FAF1: variants seen among roughly 807,000 people sequenced by gnomAD.
The protein encoded by FAF1 is Fas associated factor 1, also known as FAS-associated factor 1.
In FAF1, 25 loss-of-function variants were observed where a neutral mutation model predicts 92.5. That is an observed-to-expected ratio of 0.27 (90% CI 0.20 to 0.38). The LOEUF (loss-of-function observed/expected upper bound fraction) is 0.38, where lower values mean the gene tolerates loss of function less well. Among genes scored for constraint, FAF1 ranks in the 10% least tolerant of loss-of-function variants. The pLI, the probability that FAF1 is intolerant of heterozygous loss-of-function variation, is 1.00. For synonymous variants in FAF1, 234 were observed against 273.2 expected (o/e 0.86, Z 1.42); for missense variants, 636 against 793.3 (o/e 0.80, Z 2.38).
chr1:50,526,772 TGTTGCA>T (rs1053572082), intron 15 of FAF1, among the ~76,000 whole-genome samples: 45 of 152,148 alleles, frequency 3.0e-4, no homozygotes, highest in Admixed American at 5.2e-4. Context: ...TTTCCAAAGC[TGTTGCA>T]CCATTTTACA....
intron 2 of FAF1, among the ~76,000 whole-genome samples, chr1:50,839,595 G>A (rs1396677353): frequency 1.3e-5 from 2 of 152,120 alleles, no homozygotes; most frequent in Admixed American, 1.3e-4. Context: ...AAGCAAGAGT[G>A]AGGTGTTCTA....
intron 8 of FAF1, among the ~76,000 whole-genome samples, chr1:50,601,203 T>C (rs1186856473): frequency 3.9e-5 from 6 of 152,226 alleles, no homozygotes; most frequent in Non-Finnish European, 7.3e-5. Context: ...TTATTCTTTA[T>C]GTTATTCTTC....
chr1:50,829,569 T>C (rs1644134123), intron 2 of FAF1, among the ~76,000 whole-genome samples: 1 of 152,126 alleles, frequency 6.6e-6, no homozygotes, highest in African/African-American at 2.4e-5. Flanking sequence ...TGTGCCAAAG[T>C]AGGAAGCTGA....
chr1:50,456,932 G>A (rs1289642752), intron 18 of FAF1, among the ~76,000 whole-genome samples: 1 of 152,142 alleles, frequency 6.6e-6, no homozygotes, highest in African/African-American at 2.4e-5. Flanking sequence ...TTTAAAAAAT[G>A]TATATCTTAC....
At position 50,574,898 on chromosome 1, in the gene FAF1, C is replaced by CTT. The variant is rs891527014; in HGVS notation, c.1114-7669_1114-7668dup. Reference sequence around the variant, plus strand: ...TTAAGCATATAGAGTTGTATTAACTCTTTTTTTTTTTTTTTTTTTTTTTTT... The same window carrying CTT: ...TTAAGCATATAGAGTTGTATTAACTCTTTTTTTTTTTTTTTTTTTTTTTTTTT... On this transcript the variant is annotated intron_variant, in intron 12 of 18. Coordinates refer to ENST00000396153, the MANE Select transcript of FAF1 (RefSeq NM_007051.3). Among the ~76,000 whole-genome samples, 327 of 71,450 alleles carry CTT rather than the reference C, an allele frequency of 4.6e-3. 36 individuals are homozygous for CTT. The highest frequency in any genetic ancestry group is 0.011 in the African/African-American group (202 of 17,828). The allele number at this position is 71,450 out of a possible 152,430, so 46.9% of individuals were successfully genotyped here. A position where few individuals can be genotyped will look rare whatever the true frequency, so the allele number is the denominator to read the frequency against.
At chr1:50,757,962 G>A (rs1220637074) in intron 4 of FAF1, among the ~76,000 whole-genome samples, 1 of 152,068 alleles carries the variant, frequency 6.6e-6, no homozygotes. Flanking sequence ...CTGACACCCA[G>A]GCTGGAGTGC....
intron 15 of FAF1, among the ~76,000 whole-genome samples, chr1:50,503,826 A>G (rs1647022179): frequency 6.6e-6 from 1 of 152,162 alleles, no homozygotes; most frequent in Admixed American, 6.5e-5. Context: ...AAATTCTAGA[A>G]AACGCAAACA....
At chr1:50,792,791 G>A (rs1161799184) in intron 3 of FAF1, among the ~76,000 whole-genome samples, 1 of 152,130 alleles carries the variant, frequency 6.6e-6, no homozygotes, top group African/African-American at 2.4e-5. Flanking sequence ...GAGATGACAC[G>A]ATTGAGAAAG....
At position 50,831,822 on chromosome 1, in the gene FAF1, AAAG is replaced by A. The variant is rs1052964061; in HGVS notation, c.114+26104_114+26106del. ...ATCAGAGACAAAAAAAAAAAAAAAA[AAAG>A]GACTGAGACACAGAGAAGGCCCTGT... On this transcript the variant is annotated intron_variant, in intron 2 of 18. Coordinates refer to ENST00000396153, the MANE Select transcript of FAF1 (RefSeq NM_007051.3). Among the ~76,000 whole-genome samples the A allele has an allele frequency of 1.9e-4, 29 of 151,688 alleles. No homozygotes were observed. The East Asian group carries it at 4.5e-3, about 23-fold the overall frequency.
At chr1:50,722,349 G>A (rs1051676528) in intron 6 of FAF1, among the ~76,000 whole-genome samples, 1 of 152,112 alleles carries the variant, frequency 6.6e-6, no homozygotes, top group Non-Finnish European at 1.5e-5. Context: ...GAATAACTTG[G>A]AATTAAGAGC....
chr1:50,741,652 A>G (rs1659393266), intron 5 of FAF1, among the ~76,000 whole-genome samples: 1 of 152,238 alleles, frequency 6.6e-6, no homozygotes, highest in Non-Finnish European at 1.5e-5. Context: ...CAACTGAAAT[A>G]CTAAAAAGTG....
chr1:50,876,664 C>A (rs1186294221), intron 1 of FAF1, among the ~76,000 whole-genome samples: 1 of 152,214 alleles, frequency 6.6e-6, no homozygotes, highest in Non-Finnish European at 1.5e-5. Context: ...CAGCTCACAG[C>A]AACCTCCGCC....
At chr1:50,915,755 A>G (rs541674089) in intron 1 of FAF1, among the ~76,000 whole-genome samples, 4 of 152,336 alleles carry the variant, frequency 2.6e-5, no homozygotes, top group Admixed American at 6.5e-5. Context: ...GTTGAAATAA[A>G]TATTTCAGGC....
intron 18 of FAF1, among the ~76,000 whole-genome samples, chr1:50,442,098 C>T (rs1169593722): frequency 6.6e-6 from 1 of 151,900 alleles, no homozygotes; most frequent in African/African-American, 2.4e-5. Flanking sequence ...TAAAAAAAAT[C>T]ATAATTTTGT....
At chr1:50,835,513 G>A (rs896365996) in intron 2 of FAF1, among the ~76,000 whole-genome samples, 2 of 146,152 alleles carry the variant, frequency 1.4e-5, no homozygotes, top group Non-Finnish European at 3.0e-5. Flanking sequence ...GGGGGTTGCA[G>A]TGAGCCGACA....
At chr1:50,739,393 T>C (rs1006912016) in intron 5 of FAF1, among the ~76,000 whole-genome samples, 1 of 131,720 alleles carries the variant, frequency 7.6e-6, no homozygotes, top group African/African-American at 3.4e-5. Context: ...TATATGTGTG[T>C]TTATGTGTAT....
At chr1:50,937,478 T>C (rs145232684) in intron 1 of FAF1, among the ~76,000 whole-genome samples, 95 of 152,026 alleles carry the variant, frequency 6.2e-4, no homozygotes, top group Non-Finnish European at 1.1e-3. Flanking sequence ...AAAATTTTAT[T>C]AGCTGCCTTA....
chr1:50,677,283 C>T (rs990304902), intron 7 of FAF1, among the ~76,000 whole-genome samples: 1 of 152,130 alleles, frequency 6.6e-6, no homozygotes, highest in Non-Finnish European at 1.5e-5. Context: ...CATGCCTGCT[C>T]ACATACTCTA....
At chr1:50,629,026 T>G (rs953666326) in intron 8 of FAF1, among the ~76,000 whole-genome samples, 1 of 152,210 alleles carries the variant, frequency 6.6e-6, no homozygotes, top group Non-Finnish European at 1.5e-5. Flanking sequence ...CTGGGAAGGT[T>G]AAATGAGTTA....
Sources: allele counts gnomAD v4.1 joint callset (sites outside exome capture counted in the v4.1 genomes callset), GRCh38; gene constraint gnomAD v4.1.1; transcripts MANE v1.5; gene names NCBI Gene and HGNC (gene_info 2026-07-23, HGNC 2026-07-21).